The following CD226 variants were observed in gnomAD, a reference collection of about 807,000 sequenced individuals.
CD226 encodes the protein CD226 molecule.
In CD226, 24 loss-of-function variants were observed where a neutral mutation model predicts 34.9. The ratio of observed to expected loss-of-function variants is 0.69; its 90% CI spans 0.50 to 0.97. CD226 has a LOEUF of 0.97. Among genes scored for constraint, CD226 ranks in the 50% least tolerant of loss-of-function variants. The pLI is 0.00. For synonymous variants in CD226, 148 were observed against 147.4 expected, an observed-to-expected ratio of 1.00 and a Z score of -0.03; for missense variants, 397 against 412.7, an observed-to-expected ratio of 0.96 and a Z score of 0.33.
chr18:69,853,554 T>C lies in CD226; in HGVS notation c.*10760A>G, dbSNP rs1235464085. Reference sequence around the variant, plus strand: ...AACTAAACCTTAAAATGAATTAATATTGAACACATATGATGAGTGAAACAC... The same window carrying C: ...AACTAAACCTTAAAATGAATTAATACTGAACACATATGATGAGTGAAACAC... On this transcript the variant is annotated 3_prime_UTR_variant, in exon 6 of 6. Coordinates refer to ENST00000582621, the MANE Select transcript of CD226 (RefSeq NM_001303618.2). 2.0e-5 allele frequency: 3 copies of C among 152,248 alleles called. No homozygotes were observed. Among genetic ancestry groups the C allele is most frequent in the Non-Finnish European group, 4.4e-5 (3 of 68,050 alleles). 9.4% of individuals were successfully genotyped at this position (152,248 alleles called of 1,614,324 possible).
intron 3 of CD226, among the ~76,000 whole-genome samples, chr18:69,878,253 A>G (rs1171489506): frequency 6.6e-6 from 1 of 151,264 alleles, no homozygotes; most frequent in Non-Finnish European, 1.5e-5. Flanking sequence ...GTGTTGATTC[A>G]TAGGAGGAGA....
chr18:69,921,295 G>A (rs1057460475), intron 2 of CD226, among the ~76,000 whole-genome samples: 26 of 151,946 alleles, frequency 1.7e-4, no homozygotes, highest in African/African-American at 6.3e-4. Flanking sequence ...TCTTGTCCAC[G>A]CCTCCATGCC....
chr18:69,935,332 T>G (rs1375898077), intron 2 of CD226, among the ~76,000 whole-genome samples: 1 of 152,182 alleles, frequency 6.6e-6, no homozygotes, highest in Non-Finnish European at 1.5e-5. Flanking sequence ...ACTAATCCTA[T>G]AAGGAAGTTT....
At chr18:69,907,451 G>A (rs1320714690) in intron 2 of CD226, among the ~76,000 whole-genome samples, 1 of 152,122 alleles carries the variant, frequency 6.6e-6, no homozygotes, top group Non-Finnish European at 1.5e-5. Context: ...GGGATTACAG[G>A]CACACACCAC....
chr18:69,868,520 T>A, intron 4 of CD226, among the ~76,000 whole-genome samples: 1 of 152,196 alleles, frequency 6.6e-6, no homozygotes, highest in South Asian at 2.1e-4. Flanking sequence ...TTTATTATTA[T>A]TTTGACCAAT....
At chr18:69,890,832 G>C (rs1984852043) in intron 3 of CD226, among the ~76,000 whole-genome samples, 1 of 152,076 alleles carries the variant, frequency 6.6e-6, no homozygotes, top group Admixed American at 6.5e-5. Flanking sequence ...CCAGGACCAG[G>C]TGGCTTCACA....
At chr18:69,902,806 T>C (rs2055204491) in intron 2 of CD226, among the ~76,000 whole-genome samples, 2 of 152,028 alleles carry the variant, frequency 1.3e-5, no homozygotes, top group Admixed American at 6.6e-5. Context: ...CCCTAAGCCA[T>C]CTGCAGGAGC....
intron 3 of CD226, among the ~76,000 whole-genome samples, chr18:69,890,588 T>C (rs1456191103): frequency 6.6e-6 from 1 of 152,098 alleles, no homozygotes; most frequent in Non-Finnish European, 1.5e-5. Context: ...TTTGGTCTGA[T>C]GTGGAAAAAA....
At chr18:69,935,254 G>A (rs746432875) in intron 2 of CD226, among the ~76,000 whole-genome samples, 1 of 152,170 alleles carries the variant, frequency 6.6e-6, no homozygotes, top group Non-Finnish European at 1.5e-5. Context: ...GTTACTTTCA[G>A]TTAATAATGT....
At chr18:69,952,560 C>T (rs1280737695), upstream of CD226, among the ~76,000 whole-genome samples, 1 of 152,176 alleles carries the variant, frequency 6.6e-6, no homozygotes, top group Admixed American at 6.5e-5. Context: ...CATGCAAAAG[C>T]ATGAAATTGG....
intron 2 of CD226, among the ~76,000 whole-genome samples, chr18:69,908,236 T>A (rs1313162858): frequency 2.0e-5 from 3 of 152,262 alleles, no homozygotes; most frequent in African/African-American, 7.2e-5. Context: ...GTCTTGCTTT[T>A]CTCAGTTATG....
In CD226 at chr18:69,880,357, A is replaced by AAAGGAAGG. The variant is rs74177539; in HGVS notation, c.728-7119_728-7112dup. Among the ~76,000 whole-genome samples the AAAGGAAGG allele has an allele frequency of 2.3e-3, 203 of 89,644 alleles. 2 individuals carry two copies. The highest frequency in any genetic ancestry group is 7.0e-3 in the African/African-American group (189 of 27,018). The allele number at this position is 89,644 out of a possible 152,430, so 58.8% of individuals were successfully genotyped here. On this transcript the variant is annotated intron_variant, in intron 3 of 5. Transcript: ENST00000582621. ...GAAAGAAAGAAAGAAAGAAAGAAAG[A>AAAGGAAGG]AAGGAAGGAAGGAAGGAAGGAAGGG...
At chr18:69,941,586 T>C (rs547234699) in intron 2 of CD226, among the ~76,000 whole-genome samples, 1 of 152,336 alleles carries the variant, frequency 6.6e-6, no homozygotes, top group African/African-American at 2.4e-5. Context: ...CCCCTTTGTT[T>C]TGGCCAATTT....
intron 3 of CD226, among the ~76,000 whole-genome samples, chr18:69,879,962 G>A (rs903072618): frequency 6.6e-6 from 1 of 152,154 alleles, no homozygotes; most frequent in African/African-American, 2.4e-5. Context: ...TGGCACACAG[G>A]TTTACGCTGT....
chr18:69,886,363 G>A (rs935427750), intron 3 of CD226, among the ~76,000 whole-genome samples: 1 of 152,152 alleles, frequency 6.6e-6, no homozygotes, highest in Admixed American at 6.5e-5. Context: ...CCTGTGACAC[G>A]TAATTCTTAG....
upstream of CD226, among the ~76,000 whole-genome samples, chr18:69,959,161 G>A (rs574949077): frequency 1.1e-4 from 17 of 152,204 alleles, no homozygotes; most frequent in Non-Finnish European, 2.1e-4. Context: ...TCACATGATC[G>A]ATAATAAATT....
chr18:69,904,351 A>G (rs2055224980), intron 2 of CD226, among the ~76,000 whole-genome samples: 1 of 152,186 alleles, frequency 6.6e-6, no homozygotes, highest in South Asian at 2.1e-4. Context: ...ACAGCAAAGG[A>G]CTTGCAATGC....
chr18:69,857,004 T>TA lies in CD226; in HGVS notation c.*7309dup, dbSNP rs1377459507. Reference sequence around the variant, plus strand: ...TAACACGGTGAAACCCCGTCTCTACTAAAAATACAAAAAAATTAGCTGGGC... The same window carrying TA: ...TAACACGGTGAAACCCCGTCTCTACTAAAAAATACAAAAAAATTAGCTGGGC... On this transcript the variant is annotated 3_prime_UTR_variant, in exon 6 of 6. Transcript: ENST00000582621. 6.6e-6 allele frequency: 1 copy of TA among 152,044 alleles called. No homozygotes were observed. The highest frequency in any genetic ancestry group is 2.4e-5 in the African/African-American group (1 of 41,384). The allele number at this position is 152,044 out of a possible 1,614,324, so 9.4% of individuals were successfully genotyped here. A position where few individuals can be genotyped will look rare whatever the true frequency, so the allele number is the denominator to read the frequency against.
In CD226 at chr18:69,862,430, G is replaced by A. The variant is rs1315636099; in HGVS notation, c.*1884C>T. ...AATCTTTGATTGATCTGATAGTAGA[G>A]TGCTTTCTTGTAAACTGCCTTTCAA... On this transcript the variant is annotated 3_prime_UTR_variant, in exon 6 of 6. Transcript: ENST00000582621. The A allele has an allele frequency of 6.6e-6, 1 of 152,154 alleles. No individual in the cohort carries two copies. Among genetic ancestry groups the A allele is most frequent in the Non-Finnish European group, 1.5e-5 (1 of 68,002 alleles). The allele number at this position is 152,154 out of a possible 1,614,324, so 9.4% of individuals were successfully genotyped here.
Sources: gnomAD v4.1 joint callset for allele counts (sites outside exome capture counted in the v4.1 genomes callset) on GRCh38, gnomAD v4.1.1 for gene constraint, MANE v1.5 for transcripts, NCBI Gene and HGNC (gene_info 2026-07-23, HGNC 2026-07-21) for gene names.